Variants in SYK observed in about 807,000 individuals in gnomAD.
The protein encoded by SYK is tyrosine-protein kinase SYK.
SYK carries 16 observed loss-of-function variants against 77.8 expected under a neutral mutation model. That is an observed-to-expected ratio of 0.21 (90% CI 0.14 to 0.31). The LOEUF is 0.31. SYK is among the 10% of genes least tolerant of loss of function. SYK has a pLI of 1.00. For synonymous variants in SYK, 312 were observed against 308.7 expected (o/e 1.01, Z -0.11); for missense variants, 529 against 814.4 (o/e 0.65, Z 4.26).
rs1020125036 is a variant in SYK, at chr9:90,895,464, T to C, written c.1836-64T>C. On this transcript the variant is annotated intron_variant, in intron 13 of 13. Coordinates refer to ENST00000375754, the MANE Select transcript of SYK (RefSeq NM_003177.7). This position sits in a 1 kb window ranked among gnomAD's most constrained non-coding sequence, Gnocchi z 4.4. ...ACTGGTACTCAGCCTGCAGAGGCCC[T>C]GCTTGTGATCAGCAATTTTTCACAA... is the stretch of plus-strand genomic sequence containing the variant. 1.8e-5 allele frequency: 28 copies of C among 1,573,194 alleles called. No homozygotes were observed. In the African/African-American group the frequency reaches 3.4e-4, roughly 19 times the overall value.
intron 13 of SYK, among the ~76,000 whole-genome samples, chr9:90,894,803 A>C (rs1828920841): frequency 6.6e-6 from 1 of 152,266 alleles, no homozygotes; most frequent in African/African-American, 2.4e-5. Context: ...GTGTAAGACA[A>C]AACAGAAGTG....
intron 9 of SYK, 94 bp downstream of exon 9, chr9:90,874,943 C>G: frequency 7.1e-7 from 1 of 1,405,068 alleles, no homozygotes; most frequent in South Asian, 1.3e-5. Context: ...ATGACTAAAC[C>G]CTTTTTTTAT....
chr9:90,879,341 T>C (rs1828061728), intron 11 of SYK, among the ~76,000 whole-genome samples: 1 of 152,184 alleles, frequency 6.6e-6, no homozygotes, highest in African/African-American at 2.4e-5. Context: ...CGAATCTCAG[T>C]AGAGGGTTTA....
At chr9:90,827,603 A>C (rs1177553554) in intron 1 of SYK, 1 of 152,198 alleles carries the variant, frequency 6.6e-6, no homozygotes, top group Non-Finnish European at 1.5e-5. Context: ...GTGGGAATCA[A>C]GCATATTTAG....
At chr9:90,843,064 G>A (rs1305786139) in intron 1 of SYK, among the ~76,000 whole-genome samples, 1 of 152,158 alleles carries the variant, frequency 6.6e-6, no homozygotes, top group Non-Finnish European at 1.5e-5. Context: ...CTCGTGGGCT[G>A]GGAACCGGCA....
chr9:90,852,797 T>G (rs1054338331), intron 3 of SYK, among the ~76,000 whole-genome samples: 7 of 152,170 alleles, frequency 4.6e-5, no homozygotes, highest in Admixed American at 3.9e-4. Context: ...AATAGGCATG[T>G]TTTCAACCAG....
intron 11 of SYK, among the ~76,000 whole-genome samples, chr9:90,882,565 T>G (rs1487594625): frequency 2.6e-5 from 4 of 152,266 alleles, no homozygotes; most frequent in South Asian, 4.1e-4. Context: ...ACTTGCTTTT[T>G]AAAATTAGGA....
At chr9:90,865,737 A>AT (rs1223668885) in intron 6 of SYK, among the ~76,000 whole-genome samples, 5 of 152,026 alleles carry the variant, frequency 3.3e-5, no homozygotes, top group African/African-American at 7.3e-5. Context: ...ATGGGAACAT[A>AT]TTTTTTAACT....
intron 1 of SYK, among the ~76,000 whole-genome samples, chr9:90,805,196 C>T (rs1047583474): frequency 3.0e-4 from 46 of 152,186 alleles, no homozygotes; most frequent in Non-Finnish European, 1.5e-4. Flanking sequence ...GTGGAGCAAG[C>T]GAGGACAGTT....
chr9:90,874,749 A>G lies in SYK; in HGVS notation c.1081A>G (p.Lys361Glu), dbSNP rs201460357. 9 of 1,614,038 alleles carry G rather than the reference A, an allele frequency of 5.6e-6. No homozygotes were observed. The East Asian group carries it at 1.3e-4, about 24-fold the overall frequency. The change falls in exon 9 of 14, where the codon AAG (lysine) becomes GAG (glutamate). Residue 361 changes from lysine (K) to glutamate (E), a missense_variant. Around this residue, in one of 2 missense-constraint regions of SYK, gnomAD observed 208 missense variants for 381.3 expected, o/e 0.55. Coordinates refer to ENST00000375754, the MANE Select transcript of SYK (RefSeq NM_003177.7). Reference protein sequence around the residue: ...PYADPEEIRPKEVYLDRKLLT... With the variant: ...PYADPEEIRPEEVYLDRKLLT... ...CGCGGACCCCGAGGAGATCAGGCCC[A>G]AGGAGGTTTACCTGGACCGAAAGCT...
chr9:90,874,549 T>C, intron 8 of SYK, 123 bp from the exon 9 acceptor site: 4 of 1,264,878 alleles, frequency 3.2e-6, no homozygotes, highest in Non-Finnish European at 4.4e-6. Context: ...CTTCAGAATT[T>C]CTCATCCCTT....
At chr9:90,841,076 GGT>G (rs1361217169) in intron 1 of SYK, among the ~76,000 whole-genome samples, 1 of 151,792 alleles carries the variant, frequency 6.6e-6, no homozygotes, top group East Asian at 1.9e-4. Flanking sequence ...TGTGTACTAT[GGT>G]GTGTGTGTGG....
intron 1 of SYK, among the ~76,000 whole-genome samples, chr9:90,817,738 G>A (rs1825339203): frequency 6.6e-6 from 1 of 151,886 alleles, no homozygotes; most frequent in African/African-American, 2.4e-5. Context: ...AATTATTTCA[G>A]CATCATTGTA....
At position 90,896,034 on chromosome 9, in the gene SYK, T is replaced by G. The variant is rs1318373544; in HGVS notation, c.*434T>G. The G allele has an allele frequency of 8.4e-6, 2 of 238,898 alleles. No individual in the cohort carries two copies. Among genetic ancestry groups the G allele is most frequent in the Non-Finnish European group, 1.6e-5 (2 of 121,482 alleles). The allele number at this position is 238,898 out of a possible 1,614,324, so 14.8% of individuals were successfully genotyped here. On this transcript the variant is annotated 3_prime_UTR_variant, in exon 14 of 14. Transcript: ENST00000375754. ...CAAGGATGCCTTAGCATGTGACTCCTGAAGGGAAGGCAAAGGCAGAGGAAT... is the reference window on the plus strand; with the variant it reads ...CAAGGATGCCTTAGCATGTGACTCCGGAAGGGAAGGCAAAGGCAGAGGAAT...
At chr9:90,834,306 A>G (rs566076619) in intron 1 of SYK, among the ~76,000 whole-genome samples, 1 of 151,962 alleles carries the variant, frequency 6.6e-6, no homozygotes, top group Non-Finnish European at 1.5e-5. Flanking sequence ...CTTCTATTCA[A>G]AGTTCCCACT....
intron 1 of SYK, among the ~76,000 whole-genome samples, chr9:90,830,255 C>T (rs375911072): frequency 9.2e-5 from 14 of 152,362 alleles, no homozygotes; most frequent in East Asian, 1.9e-4. Context: ...CTCAGGATGG[C>T]GCCGTGGAGG....
intron 3 of SYK, among the ~76,000 whole-genome samples, chr9:90,852,745 C>G (rs1415156338): frequency 6.6e-6 from 1 of 152,226 alleles, no homozygotes; most frequent in South Asian, 2.1e-4. Flanking sequence ...TACCTTCTGA[C>G]TTTAGAAAAA....
rs1162520095 is a variant in SYK, at chr9:90,888,551, A to C, written c.1759A>C (p.Lys587Gln). Residue 587 changes from lysine to glutamine, a missense_variant, in exon 13 of 14, where the codon AAA becomes CAA. Lys to Gln is a moderately conservative substitution (Grantham distance 53). Transcript: ENST00000375754. ...KGSEVTAMLEKGERMGCPAGC... is the reference protein window; with the variant it reads ...KGSEVTAMLEQGERMGCPAGC... ...AAGTGAAGTCACCGCTATGTTAGAGAAAGGAGAGCGGATGGGGTGCCCTGC... is the reference window on the plus strand; with the variant it reads ...AAGTGAAGTCACCGCTATGTTAGAGCAAGGAGAGCGGATGGGGTGCCCTGC... The C allele has an allele frequency of 6.2e-7, 1 of 1,613,104 alleles. No individual in the cohort carries two copies. The highest frequency in any genetic ancestry group is 8.5e-7 in the Non-Finnish European group (1 of 1,179,742).
At chr9:90,829,851 A>T (rs1412075051) in intron 1 of SYK, among the ~76,000 whole-genome samples, 1 of 152,222 alleles carries the variant, frequency 6.6e-6, no homozygotes, top group African/African-American at 2.4e-5. Flanking sequence ...TTCTGTGTTA[A>T]TTATGGCAAG....
Sources: allele counts gnomAD v4.1 joint callset (sites outside exome capture counted in the v4.1 genomes callset), GRCh38; gene constraint gnomAD v4.1.1; regional missense constraint gnomAD v4.1.1; non-coding constraint Gnocchi (gnomAD v3.1); transcripts MANE v1.5; gene names NCBI Gene and HGNC (gene_info 2026-07-23, HGNC 2026-07-21).